The following ST18 variants were observed in gnomAD, a reference collection of about 807,000 sequenced individuals.
ST18 encodes ST18 C2H2C-type zinc finger transcription factor, also known as suppression of tumorigenicity 18 protein.
In ST18, 50 loss-of-function variants were observed where a neutral mutation model predicts 110.0. The observed-to-expected ratio is 0.45, with a 90% CI of 0.36 to 0.58. The LOEUF (loss-of-function observed/expected upper bound fraction) is 0.58. Ranked by LOEUF, ST18 falls within the 20% of genes least tolerant of loss-of-function variation. The pLI, the probability that ST18 is intolerant of heterozygous loss-of-function variation, is 0.00. For missense variants in ST18, 1,306 were observed against 1,280.1 expected (o/e 1.02, Z -0.31); for synonymous variants, 461 against 452.4 (o/e 1.02, Z -0.24).
intron 2 of ST18, among the ~76,000 whole-genome samples, chr8:52,348,138 G>C (rs763243667): frequency 1.3e-5 from 2 of 152,140 alleles, no homozygotes; most frequent in African/African-American, 2.4e-5. Context: ...GAAAGAAGGG[G>C]AGGAAAAGGA....
chr8:52,170,817 C>T (rs1563837717), intron 10 of ST18, among the ~76,000 whole-genome samples: 1 of 152,128 alleles, frequency 6.6e-6, no homozygotes, highest in African/African-American at 2.4e-5. Context: ...CATTATTTGT[C>T]AAGATTGCAG....
intron 2 of ST18, among the ~76,000 whole-genome samples, chr8:52,351,543 C>A (rs999009705): frequency 6.6e-6 from 1 of 152,198 alleles, no homozygotes; most frequent in African/African-American, 2.4e-5. Flanking sequence ...GACATAACAG[C>A]ATCTTTTCTA....
At chr8:52,382,557 AGTTT>A (rs1038953413) in intron 2 of ST18, among the ~76,000 whole-genome samples, 6 of 152,204 alleles carry the variant, frequency 3.9e-5, no homozygotes, top group Non-Finnish European at 7.3e-5. Flanking sequence ...ATAGCAGAAC[AGTTT>A]GTTTGCTTGG....
At chr8:52,241,670 A>G (rs2093416033) in intron 2 of ST18, among the ~76,000 whole-genome samples, 1 of 152,232 alleles carries the variant, frequency 6.6e-6, no homozygotes, top group South Asian at 2.1e-4. Context: ...TAGTCAACTG[A>G]TTGCACAGAA....
intron 2 of ST18, among the ~76,000 whole-genome samples, chr8:52,289,939 A>G (rs1288531450): frequency 1.3e-5 from 2 of 150,808 alleles, no homozygotes; most frequent in Non-Finnish European, 3.0e-5. Context: ...TTTTTAATAG[A>G]CTGGGAAATG....
chr8:52,223,977 A>G (rs1423925562), intron 3 of ST18, among the ~76,000 whole-genome samples: 1 of 152,144 alleles, frequency 6.6e-6, no homozygotes, highest in East Asian at 1.9e-4. Context: ...ATTTTAGCAC[A>G]TTTACCTTAG....
intron 8 of ST18, among the ~76,000 whole-genome samples, chr8:52,202,176 G>C (rs1490792306): frequency 2.0e-5 from 3 of 152,100 alleles, no homozygotes; most frequent in Non-Finnish European, 4.4e-5. Flanking sequence ...TTAAGAACTT[G>C]GAAGGAAAGA....
At chr8:52,167,312 G>A (rs1040255467) in intron 10 of ST18, among the ~76,000 whole-genome samples, 4 of 151,984 alleles carry the variant, frequency 2.6e-5, no homozygotes, top group Non-Finnish European at 4.4e-5. Flanking sequence ...ACAGGCTCCC[G>A]AAAAGAAAAA....
chr8:52,241,161 TTGCTCCTGTCACC>T (rs1564268101), intron 2 of ST18, among the ~76,000 whole-genome samples: 1 of 152,214 alleles, frequency 6.6e-6, no homozygotes, highest in African/African-American at 2.4e-5. Flanking sequence ...TGATTGTCAT[TTGCTCCTGTCACC>T]TGCATTGGAA....
chr8:52,273,330 GA>G (rs1564385357), intron 2 of ST18, among the ~76,000 whole-genome samples: 1 of 152,116 alleles, frequency 6.6e-6, no homozygotes, highest in Non-Finnish European at 1.5e-5. Flanking sequence ...ATTTGAATAA[GA>G]AAGAACTATC....
intron 2 of ST18, among the ~76,000 whole-genome samples, chr8:52,276,765 ATCT>A (rs1050051836): frequency 6.7e-6 from 1 of 148,340 alleles, no homozygotes; most frequent in Non-Finnish European, 1.5e-5. Context: ...AACCTATAAA[ATCT>A]TTTTTTTTTT....
At chr8:52,241,529 C>A (rs1381013929) in intron 2 of ST18, among the ~76,000 whole-genome samples, 1 of 152,206 alleles carries the variant, frequency 6.6e-6, no homozygotes, top group East Asian at 1.9e-4. Flanking sequence ...GAACAACAAC[C>A]CAGACAAGGT....
chr8:52,198,224 C>T (rs1262521135), intron 8 of ST18, among the ~76,000 whole-genome samples: 2 of 152,122 alleles, frequency 1.3e-5, no homozygotes, highest in African/African-American at 2.4e-5. Context: ...CCAGGCTGGT[C>T]TCGAACTCCT....
intron 16 of ST18, 87 bp from the exon 17 acceptor site, chr8:52,143,132 G>T: frequency 1.2e-6 from 1 of 862,280 alleles, no homozygotes; most frequent in Non-Finnish European, 1.9e-6. Context: ...TTGAAGCCAG[G>T]TTTGAGTTTT....
chr8:52,114,332 C>T (rs1363584268), intron 25 of ST18, among the ~76,000 whole-genome samples: 3 of 152,004 alleles, frequency 2.0e-5, no homozygotes, highest in Non-Finnish European at 4.4e-5. Context: ...AAGGAGAGCA[C>T]ATGCTGGATA....
chr8:52,167,876 C>G (rs979353486), intron 10 of ST18, among the ~76,000 whole-genome samples: 20 of 152,176 alleles, frequency 1.3e-4, no homozygotes, highest in African/African-American at 4.3e-4. Context: ...AGGCTCCAGA[C>G]AAGCTTGGGG....
chr8:52,224,877 G>A (rs1445875515), intron 3 of ST18, among the ~76,000 whole-genome samples: 5 of 152,176 alleles, frequency 3.3e-5, no homozygotes, highest in East Asian at 1.9e-4. Flanking sequence ...TTCCATGGAC[G>A]AATTTAAATG....
At chr8:52,219,302 T>C (rs1366753500) in intron 5 of ST18, among the ~76,000 whole-genome samples, 1 of 152,190 alleles carries the variant, frequency 6.6e-6, no homozygotes, top group Non-Finnish European at 1.5e-5. Context: ...CTGTTCTTCC[T>C]TTCCTCTTAT....
intron 2 of ST18, among the ~76,000 whole-genome samples, chr8:52,321,659 T>A (rs1168287688): frequency 6.6e-6 from 1 of 152,218 alleles, no homozygotes; most frequent in Non-Finnish European, 1.5e-5. Flanking sequence ...AGAGTGATGC[T>A]AATACAATCA....
Sources: gnomAD v4.1 joint callset for allele counts (sites outside exome capture counted in the v4.1 genomes callset) on GRCh38, gnomAD v4.1.1 for gene constraint, MANE v1.5 for transcripts, NCBI Gene and HGNC (gene_info 2026-07-23, HGNC 2026-07-21) for gene names.